The following RIN2 variants were observed in gnomAD, a reference collection of about 807,000 sequenced individuals.
RIN2 encodes RAB5 interacting protein 2.
Under a neutral mutation model 78.0 loss-of-function variants are expected in RIN2, and 36 were observed. The observed-to-expected ratio is 0.46, with a 90% CI of 0.35 to 0.61. RIN2 has a LOEUF of 0.61. Ranked by LOEUF, RIN2 falls within the 20% of genes least tolerant of loss-of-function variation. RIN2 has a pLI of 0.00. For synonymous variants in RIN2, 466 were observed against 466.8 expected (o/e 1.00, Z 0.02); for missense variants, 1,087 against 1,159.7 (o/e 0.94, Z 0.91).
chr20:19,891,937 C>T (rs1224405686), intron 3 of RIN2, among the ~76,000 whole-genome samples: 3 of 152,318 alleles, frequency 2.0e-5, no homozygotes, highest in South Asian at 2.1e-4. Flanking sequence ...CCATTGTAGC[C>T]AGTTTTTCCT....
intron 5 of RIN2, among the ~76,000 whole-genome samples, chr20:19,958,481 C>A (rs2041628595): frequency 6.6e-6 from 1 of 152,264 alleles, no homozygotes; most frequent in Non-Finnish European, 1.5e-5. Flanking sequence ...CTCCATCCAC[C>A]TGCCTGATCC....
chr20:19,929,525 C>A (rs1036260039), intron 3 of RIN2, among the ~76,000 whole-genome samples: 1 of 152,050 alleles, frequency 6.6e-6, no homozygotes, highest in African/African-American at 2.4e-5. Flanking sequence ...CCATACCCAG[C>A]GAATTTTTGC....
intron 3 of RIN2, among the ~76,000 whole-genome samples, chr20:19,890,866 C>G (rs926842500): frequency 2.6e-5 from 4 of 152,040 alleles, no homozygotes; most frequent in Non-Finnish European, 4.4e-5. Flanking sequence ...CTGCATTTTT[C>G]AAGGTGGAGA....
chr20:19,797,351 T>A (rs959402903), intron 1 of RIN2, among the ~76,000 whole-genome samples: 44 of 152,378 alleles, frequency 2.9e-4, no homozygotes, highest in African/African-American at 8.9e-4. Context: ...TTAATTGAGT[T>A]ACTTTTAATT....
At chr20:19,883,666 G>T (rs1258835133) in intron 2 of RIN2, among the ~76,000 whole-genome samples, 4 of 152,100 alleles carry the variant, frequency 2.6e-5, no homozygotes, top group Non-Finnish European at 4.4e-5. Flanking sequence ...TTTCTAACCA[G>T]CAGAGGAGCC....
chr20:19,973,411 G>A (rs2042167890), intron 8 of RIN2, among the ~76,000 whole-genome samples: 1 of 152,140 alleles, frequency 6.6e-6, no homozygotes, highest in African/African-American at 2.4e-5. Context: ...ACTCCCAAAG[G>A]GCTTCATCTC....
intron 2 of RIN2, among the ~76,000 whole-genome samples, chr20:19,851,702 A>G (rs1226570746): frequency 6.6e-6 from 1 of 152,164 alleles, no homozygotes; most frequent in Admixed American, 6.5e-5. Context: ...AACCTGGGCA[A>G]TAGAATAGAA....
chr20:19,833,258 C>CTA (rs1331307415), intron 2 of RIN2, among the ~76,000 whole-genome samples: 1 of 148,892 alleles, frequency 6.7e-6, no homozygotes, highest in Non-Finnish European at 1.5e-5. Flanking sequence ...AAACCTATAT[C>CTA]TATATATAGA....
In RIN2 at chr20:19,876,210, T is replaced by G. The variant is rs1409172194; in HGVS notation, c.-36-13356T>G. 2.6e-5 allele frequency among the ~76,000 whole-genome samples: 4 copies of G among 152,244 alleles called. No individual in the cohort carries two copies. In the East Asian group the frequency reaches 7.7e-4, roughly 29 times the overall value. On this transcript the variant is annotated intron_variant, in intron 2 of 12. Transcript: ENST00000255006. ...TTGGCTTTTGTTTTTGTTTTATTTT[T>G]ATTTGATCCAGGCAAAGTAAGTAGT...
intron 2 of RIN2, among the ~76,000 whole-genome samples, chr20:19,860,951 T>C (rs2037315189): frequency 6.6e-6 from 1 of 152,158 alleles, no homozygotes; most frequent in South Asian, 2.1e-4. Flanking sequence ...CCCAGGAAAG[T>C]AGCAAATTAA....
chr20:19,970,617 T>C (rs909362410), intron 7 of RIN2, among the ~76,000 whole-genome samples: 1 of 152,234 alleles, frequency 6.6e-6, no homozygotes, highest in Non-Finnish European at 1.5e-5. Context: ...ACTGAAACTA[T>C]GCTGGTTTTT....
At chr20:19,974,171 G>T (rs1347530441) in intron 8 of RIN2, among the ~76,000 whole-genome samples, 1 of 152,166 alleles carries the variant, frequency 6.6e-6, no homozygotes, top group Admixed American at 6.5e-5. Context: ...CCCAGCTGCT[G>T]GTCCTGCCCA....
chr20:19,978,225 A>C (rs2042343800), intron 9 of RIN2, among the ~76,000 whole-genome samples: 1 of 152,220 alleles, frequency 6.6e-6, no homozygotes, highest in Non-Finnish European at 1.5e-5. Context: ...CTGAACTAGA[A>C]GACAGAATTC....
chr20:19,820,014 A>C lies in RIN2; in HGVS notation c.-37+20267A>C, dbSNP rs573076130. ...AAGATTTCTGGTCTGATGAGTATCA[A>C]ATTACTGTAATCAATAAAGTATTAA... is the stretch of plus-strand genomic sequence containing the variant. On this transcript the variant is annotated intron_variant, in intron 2 of 12. Transcript: ENST00000255006. 2.6e-5 allele frequency among the ~76,000 whole-genome samples: 4 copies of C among 152,360 alleles called. No individual in the cohort carries two copies. In the South Asian group the frequency reaches 6.2e-4, roughly 24 times the overall value.
intron 2 of RIN2, among the ~76,000 whole-genome samples, chr20:19,824,865 C>G (rs1044015107): frequency 1.3e-5 from 2 of 152,152 alleles, no homozygotes; most frequent in African/African-American, 4.8e-5. Context: ...TCTTATATCA[C>G]TGTTGGGATG....
intron 2 of RIN2, among the ~76,000 whole-genome samples, chr20:19,820,150 T>C (rs890031817): frequency 2.6e-5 from 4 of 152,242 alleles, no homozygotes; most frequent in Non-Finnish European, 4.4e-5. Context: ...CACATCAACA[T>C]TGGTTTTTAC....
At chr20:19,925,087 T>C (rs1275359889) in intron 3 of RIN2, among the ~76,000 whole-genome samples, 1 of 107,400 alleles carries the variant, frequency 9.3e-6, no homozygotes. Flanking sequence ...AGCCTTTGGG[T>C]AAATTTGTGG....
intron 1 of RIN2, among the ~76,000 whole-genome samples, chr20:19,767,205 CTGAT>C (rs548563612): frequency 9.8e-5 from 15 of 152,302 alleles, no homozygotes; most frequent in African/African-American, 3.6e-4. Flanking sequence ...GACAAACAGT[CTGAT>C]TGAGTGCGAA....
intron 1 of RIN2, among the ~76,000 whole-genome samples, chr20:19,764,647 T>C (rs939389275): frequency 6.6e-6 from 1 of 152,250 alleles, no homozygotes; most frequent in Admixed American, 6.5e-5. Flanking sequence ...TAGTGGCTCT[T>C]CTGCATAGAA....
Sources: allele counts gnomAD v4.1 joint callset (sites outside exome capture counted in the v4.1 genomes callset), GRCh38; gene constraint gnomAD v4.1.1; transcripts MANE v1.5; gene names NCBI Gene and HGNC (gene_info 2026-07-23, HGNC 2026-07-21).